Variants in CAPN7 observed in about 807,000 individuals in gnomAD.
CAPN7 encodes the protein calpain-7.
In CAPN7, 72 loss-of-function variants were observed where a neutral mutation model predicts 115.2. The observed-to-expected ratio is 0.63, with a 90% CI of 0.52 to 0.76. CAPN7 has a LOEUF of 0.76. Among genes scored for constraint, CAPN7 ranks in the 30% least tolerant of loss-of-function variants. CAPN7 has a pLI of 0.00. For synonymous variants in CAPN7, 344 were observed against 322.3 expected (o/e 1.07, Z -0.72); for missense variants, 905 against 971.5 (o/e 0.93, Z 0.91).
intron 19 of CAPN7, among the ~76,000 whole-genome samples, chr3:15,249,017 A>AC (rs1281866943): frequency 6.7e-6 from 1 of 150,224 alleles, no homozygotes; most frequent in African/African-American, 2.5e-5. Context: ...AAAAAAAAAA[A>AC]AAAAAAACAA....
In CAPN7 at chr3:15,233,971, A is replaced by C. The variant is rs1260787039; in HGVS notation, c.1284A>C (p.Gln428His). The change falls in exon 11 of 21, where the codon CAA becomes CAC. Residue 428 changes from glutamine to histidine, a missense_variant and splice_region_variant. Physicochemically the swap from Gln to His is conservative, Grantham distance 24 (BLOSUM62 0). This residue lies in a region of CAPN7 where 620 missense variants were observed against 703.4 expected (regional missense o/e 0.88). Coordinates refer to ENST00000253693, the MANE Select transcript of CAPN7 (RefSeq NM_014296.3). ...SKDNSFRMLY[Q>H]RFHKGDVLIT... ...ATAATTCTTTCAGAATGCTTTATCA[A>C]AGGTAAACATTTTTCTTTGTTTTAT... 2 of 1,502,566 alleles carry C rather than the reference A, an allele frequency of 1.3e-6. No individual in the cohort carries two copies. Among genetic ancestry groups the C allele is most frequent in the Non-Finnish European group, 1.8e-6 (2 of 1,083,806 alleles). The allele number at this position is 1,502,566 out of a possible 1,614,324, so 93.1% of individuals were successfully genotyped here. A position where few individuals can be genotyped will look rare whatever the true frequency, so the allele number is the denominator to read the frequency against.
intron 19 of CAPN7, among the ~76,000 whole-genome samples, chr3:15,249,444 A>G (rs762252084): frequency 3.3e-5 from 5 of 152,178 alleles, no homozygotes; most frequent in South Asian, 2.1e-4. Flanking sequence ...AAAATAATGA[A>G]TCTGTCTTCT....
Position 15,227,902 on chromosome 3 carries a change from AC to A in CAPN7, c.791del (p.Pro264GlnfsTer10). 6.4e-7 allele frequency: 1 copy of A among 1,551,924 alleles called. No homozygotes were observed. Among genetic ancestry groups the A allele is most frequent in the South Asian group, 1.2e-5 (1 of 81,086 alleles). On this transcript the variant is annotated frameshift_variant, in exon 7 of 21. Coordinates refer to ENST00000253693, the MANE Select transcript of CAPN7 (RefSeq NM_014296.3). LOFTEE classifies it high-confidence loss of function. ...AAACTACATTTTCCAAGTGGGTACGACCAGAAGACCTCACCAACAATCCTAC... is the reference window on the plus strand; with the variant it reads ...AAACTACATTTTCCAAGTGGGTACGACAGAAGACCTCACCAACAATCCTAC... Reference protein sequence around the residue: ...QKTTFSKWVRPEDLTNNPTMI... With the variant: ...QKTTFSKWVRXEDLTNNPTMI...
At chr3:15,217,650 T>A in intron 3 of CAPN7, 68 bp downstream of exon 3, 1 of 1,279,154 alleles carries the variant, frequency 7.8e-7, no homozygotes, top group East Asian at 2.5e-5. Context: ...TAGTGAATTT[T>A]ACATAACACC....
At chr3:15,222,828 T>C (rs1034711557) in intron 5 of CAPN7, among the ~76,000 whole-genome samples, 1 of 152,236 alleles carries the variant, frequency 6.6e-6, no homozygotes, top group African/African-American at 2.4e-5. Flanking sequence ...TTCCTGACTA[T>C]ATTAAGTAGT....
Position 15,247,347 on chromosome 3 carries a change from T to A in CAPN7, c.2094T>A (p.Gly698=), listed in dbSNP as rs1695724889. Residue 698 remains glycine, a synonymous_variant, in exon 19 of 21, where the codon GGT becomes GGA. Coordinates refer to ENST00000253693, the MANE Select transcript of CAPN7 (RefSeq NM_014296.3). The part of the protein sequence containing the change: ...LSKRINGKWS[G]QSAGGCGNFQ... ...ATTAGATTAATGGAAAGTGGAGTGG[T>A]CAGAGTGCTGGAGGATGTGGAAATT... 1 of 1,594,280 alleles carries A rather than the reference T, an allele frequency of 6.3e-7. No homozygotes were observed. The highest frequency in any genetic ancestry group is 2.3e-5 in the East Asian group (1 of 43,818).
At position 15,224,765 on chromosome 3, in the gene CAPN7, C is replaced by A. The variant is rs560867657; in HGVS notation, c.725+1204C>A. On this transcript the variant is annotated intron_variant, in intron 6 of 20. Coordinates refer to ENST00000253693, the MANE Select transcript of CAPN7 (RefSeq NM_014296.3). ...ATTATTAGAAAAAAAAAGCTGGATG[C>A]TTACTATATAGAATATGAAGGCTCT... Among the ~76,000 whole-genome samples, 5 of 152,170 alleles carry A rather than the reference C, an allele frequency of 3.3e-5. No individual in the cohort carries two copies. In the South Asian group the frequency reaches 1.0e-3, roughly 32 times the overall value.
At chr3:15,240,010 G>A (rs987669992) in intron 12 of CAPN7, among the ~76,000 whole-genome samples, 2 of 152,246 alleles carry the variant, frequency 1.3e-5, no homozygotes, top group African/African-American at 4.8e-5. Context: ...GGTACATGGA[G>A]TATAAATACT....
chr3:15,214,982 A>G (rs1224781924), intron 2 of CAPN7, among the ~76,000 whole-genome samples: 2 of 152,248 alleles, frequency 1.3e-5, no homozygotes, highest in East Asian at 3.8e-4. Context: ...GTCTCCCACA[A>G]CAAAGAATTA....
chr3:15,244,227 C>G (rs1200607925), intron 16 of CAPN7, among the ~76,000 whole-genome samples: 1 of 152,178 alleles, frequency 6.6e-6, no homozygotes, highest in East Asian at 1.9e-4. Flanking sequence ...ATGGCAGGCA[C>G]TGAGTCTTGC....
rs1003520870 is a variant in CAPN7 at position 15,234,630 on chromosome 3, T to C, written c.1287-395T>C. 3.3e-5 allele frequency among the ~76,000 whole-genome samples: 5 copies of C among 152,146 alleles called. No homozygotes were observed. The East Asian group carries it at 9.6e-4, about 29-fold the overall frequency. Reference sequence around the variant, plus strand: ...CCTTAAATGGATAATCCATATCCATTTAAGGGACTGGAAGTTTGTCTAAAC... The same window carrying C: ...CCTTAAATGGATAATCCATATCCATCTAAGGGACTGGAAGTTTGTCTAAAC... On this transcript the variant is annotated intron_variant, in intron 11 of 20. Coordinates refer to ENST00000253693, the MANE Select transcript of CAPN7 (RefSeq NM_014296.3).
chr3:15,225,926 T>C (rs554314627), intron 6 of CAPN7, among the ~76,000 whole-genome samples: 6 of 152,294 alleles, frequency 3.9e-5, no homozygotes, highest in African/African-American at 1.4e-4. Context: ...TGTTTTTAAG[T>C]TGGGTTAACA....
chr3:15,213,951 C>G (rs916896182), intron 2 of CAPN7, among the ~76,000 whole-genome samples: 2 of 150,758 alleles, frequency 1.3e-5, no homozygotes, highest in South Asian at 4.2e-4. Flanking sequence ...GCGATCTCAG[C>G]TCACTGCCAA....
chr3:15,241,358 A>T (rs749086976), intron 14 of CAPN7, 95 bp from the exon 15 acceptor site: 5 of 1,325,736 alleles, frequency 3.8e-6, no homozygotes, highest in Non-Finnish European at 5.2e-6. Context: ...CAAAACCAAA[A>T]ACTTGGATAG....
At position 15,252,527 on chromosome 3, in the gene CAPN7, AC is replaced by A. The variant is rs1696046422; in HGVS notation, c.*1268del. The A allele has an allele frequency of 1.3e-5, 2 of 152,232 alleles. No homozygotes were observed. The highest frequency in any genetic ancestry group is 1.5e-5 in the Non-Finnish European group (1 of 68,014). 9.4% of individuals were successfully genotyped at this position (152,232 alleles called of 1,614,324 possible). A position where few individuals can be genotyped will look rare whatever the true frequency, so the allele number is the denominator to read the frequency against. On this transcript the variant is annotated 3_prime_UTR_variant, in exon 21 of 21. Coordinates refer to ENST00000253693, the MANE Select transcript of CAPN7 (RefSeq NM_014296.3). ...GGACAAATTTAACAAGTTTTCTGTT[AC>A]TTTTTAAAAAGAAAAAATCCAGAAC...
rs555458165 is a variant in CAPN7, at chr3:15,214,678, A to T, written c.211+2466A>T. Among the ~76,000 whole-genome samples the T allele has an allele frequency of 7.9e-5, 12 of 152,298 alleles. 1 individual carries two copies. In the South Asian group the frequency reaches 2.1e-3, roughly 26 times the overall value. On this transcript the variant is annotated intron_variant, in intron 2 of 20. Transcript: ENST00000253693. The stretch of plus-strand genomic sequence containing the variant: ...GGCTGCACTGACCCGTGATTACACC[A>T]CTGCCCTCAGCCTGGATGACAGAGT...
At chr3:15,211,089 A>T (rs2044914402) in intron 1 of CAPN7, among the ~76,000 whole-genome samples, 2 of 152,200 alleles carry the variant, frequency 1.3e-5, no homozygotes, top group Admixed American at 6.5e-5. Flanking sequence ...CTTAAAATTA[A>T]AATAAGTGTA....
intron 16 of CAPN7, 82 bp downstream of exon 16, chr3:15,242,335 T>C (rs1369804053): frequency 1.2e-6 from 1 of 855,642 alleles, no homozygotes; most frequent in African/African-American, 1.7e-5. Context: ...ATGACACATT[T>C]TATGTAGATA....
intron 4 of CAPN7, among the ~76,000 whole-genome samples, chr3:15,219,227 A>G (rs1209638671): frequency 1.3e-5 from 2 of 152,194 alleles, no homozygotes; most frequent in African/African-American, 4.8e-5. Flanking sequence ...TGCTCAGTAG[A>G]TATTTGCTAA....
Sources: gnomAD v4.1 joint callset for allele counts (sites outside exome capture counted in the v4.1 genomes callset) on GRCh38, gnomAD v4.1.1 for gene constraint, gnomAD v4.1.1 regional missense constraint, MANE v1.5 for transcripts, NCBI Gene and HGNC (gene_info 2026-07-23, HGNC 2026-07-21) for gene names.